ZMAT4: variants seen among roughly 807,000 people sequenced by gnomAD.
The protein encoded by ZMAT4 is zinc finger matrin-type protein 4.
A neutral mutation model predicts 28.7 loss-of-function variants in ZMAT4; 17 were observed. The ratio of observed to expected loss-of-function variants is 0.59; its 90% confidence interval spans 0.41 to 0.89. ZMAT4 has a LOEUF of 0.89. Ranked by LOEUF, ZMAT4 falls within the 40% of genes least tolerant of loss-of-function variation. The pLI is 0.00. For missense variants in ZMAT4, 240 were observed against 283.8 expected, an observed-to-expected ratio of 0.85 and a Z score of 1.11; for synonymous variants, 117 against 109.2, an observed-to-expected ratio of 1.07 and a Z score of -0.44.
intron 2 of ZMAT4, among the ~76,000 whole-genome samples, chr8:40,807,431 G>A (rs1221125346): frequency 6.6e-6 from 1 of 152,102 alleles, no homozygotes; most frequent in African/African-American, 2.4e-5. Flanking sequence ...GTGACAGAGC[G>A]AGACTCTGTC....
At chr8:40,828,742 T>G (rs1024763925) in intron 1 of ZMAT4, among the ~76,000 whole-genome samples, 1 of 152,086 alleles carries the variant, frequency 6.6e-6, no homozygotes, top group Non-Finnish European at 1.5e-5. Context: ...TGGACAAGTG[T>G]CAGCCTGTTT....
chr8:40,835,352 C>T (rs575984612), intron 1 of ZMAT4, among the ~76,000 whole-genome samples: 1 of 152,170 alleles, frequency 6.6e-6, no homozygotes, highest in Non-Finnish European at 1.5e-5. Flanking sequence ...GGGCTGTGCA[C>T]CCAGGCAGAA....
chr8:40,721,124 C>G (rs1362922595), intron 3 of ZMAT4, among the ~76,000 whole-genome samples: 1 of 116,802 alleles, frequency 8.6e-6, no homozygotes, highest in Admixed American at 9.5e-5. Flanking sequence ...GCTATCCCTC[C>G]CCCCTCCCCC....
At chr8:40,669,622 T>C (rs1474625462) in intron 5 of ZMAT4, among the ~76,000 whole-genome samples, 1 of 152,230 alleles carries the variant, frequency 6.6e-6, no homozygotes, top group Non-Finnish European at 1.5e-5. Context: ...AATAACATTT[T>C]ATTTATGTTA....
At chr8:40,556,010 C>T (rs887673126) in intron 6 of ZMAT4, among the ~76,000 whole-genome samples, 4 of 152,096 alleles carry the variant, frequency 2.6e-5, no homozygotes, top group African/African-American at 9.7e-5. Context: ...GCCAATGGTC[C>T]CCCACCTTAA....
At chr8:40,557,728 C>A (rs1293962252) in intron 6 of ZMAT4, among the ~76,000 whole-genome samples, 2 of 152,134 alleles carry the variant, frequency 1.3e-5, no homozygotes, top group South Asian at 2.1e-4. Context: ...GCAGTGCCTG[C>A]CCTCTGTGTG....
intron 5 of ZMAT4, among the ~76,000 whole-genome samples, chr8:40,665,960 G>A (rs904216994): frequency 1.3e-5 from 2 of 152,104 alleles, no homozygotes; most frequent in Admixed American, 1.3e-4. Context: ...CTTTTGTTCT[G>A]TGTCTTCAGA....
intron 5 of ZMAT4, among the ~76,000 whole-genome samples, chr8:40,650,220 G>T (rs569139707): frequency 6.6e-5 from 10 of 151,888 alleles, no homozygotes; most frequent in Non-Finnish European, 1.3e-4. Context: ...TCAAATAGAC[G>T]CAATAAAAAA....
At chr8:40,537,994 C>T (rs150342775) in intron 6 of ZMAT4, among the ~76,000 whole-genome samples, 2 of 152,134 alleles carry the variant, frequency 1.3e-5, no homozygotes, top group Non-Finnish European at 2.9e-5. Flanking sequence ...CTAAGAAACC[C>T]TCCCCATAAC....
intron 2 of ZMAT4, among the ~76,000 whole-genome samples, chr8:40,801,351 AATAT>A (rs1554559737): frequency 7.2e-5 from 7 of 97,260 alleles, no homozygotes; most frequent in South Asian, 6.8e-4. Context: ...TAAAAAAAAA[AATAT>A]ATATATATAT....
chr8:40,730,923 A>G (rs1811509269), intron 3 of ZMAT4, among the ~76,000 whole-genome samples: 1 of 152,138 alleles, frequency 6.6e-6, no homozygotes, highest in Non-Finnish European at 1.5e-5. Flanking sequence ...AATTTCAGTC[A>G]ATTTCAGCTC....
chr8:40,539,031 G>T lies in ZMAT4; in HGVS notation c.675-6793C>A, dbSNP rs144500615. 2.5e-4 allele frequency among the ~76,000 whole-genome samples: 38 copies of T among 152,156 alleles called. 1 individual carries two copies. Among genetic ancestry groups the T allele is most frequent in the African/African-American group, 8.9e-4 (37 of 41,518 alleles). On this transcript the variant is annotated intron_variant, in intron 6 of 6. Coordinates refer to ENST00000297737, the MANE Select transcript of ZMAT4 (RefSeq NM_024645.3). ...GATCTCCTGACCTCGTGATCCACCCGCCTTGGCCTCCCAAAGTGCTGGGAT... is the reference window on the plus strand; with the variant it reads ...GATCTCCTGACCTCGTGATCCACCCTCCTTGGCCTCCCAAAGTGCTGGGAT...
chr8:40,854,903 AT>A (rs1304072909), intron 1 of ZMAT4, among the ~76,000 whole-genome samples: 1 of 152,112 alleles, frequency 6.6e-6, no homozygotes, highest in South Asian at 2.1e-4. Flanking sequence ...AAAGGACTCA[AT>A]TTTTTAAAGG....
intron 5 of ZMAT4, among the ~76,000 whole-genome samples, chr8:40,619,485 C>T (rs760658789): frequency 3.9e-5 from 6 of 152,084 alleles, no homozygotes; most frequent in Non-Finnish European, 4.4e-5. Context: ...GTCTTTAAGG[C>T]GGACACTAAT....
chr8:40,602,765 G>GT (rs1314367392), intron 5 of ZMAT4, among the ~76,000 whole-genome samples: 2 of 151,718 alleles, frequency 1.3e-5, no homozygotes, highest in Non-Finnish European at 2.9e-5. Context: ...GCTTTGTTTT[G>GT]TTTTTTGCTG....
At chr8:40,549,939 C>T (rs1171822867) in intron 6 of ZMAT4, among the ~76,000 whole-genome samples, 3 of 152,152 alleles carry the variant, frequency 2.0e-5, no homozygotes, top group Non-Finnish European at 4.4e-5. Flanking sequence ...CCAAAGGGCA[C>T]CTTATAATCC....
chr8:40,539,907 T>G (rs986735737), intron 6 of ZMAT4, among the ~76,000 whole-genome samples: 2 of 152,204 alleles, frequency 1.3e-5, no homozygotes, highest in African/African-American at 4.8e-5. Flanking sequence ...AGATTCAGGA[T>G]GAAGTCTGGC....
intron 5 of ZMAT4, among the ~76,000 whole-genome samples, chr8:40,627,910 A>T (rs1405006614): frequency 6.6e-6 from 1 of 152,198 alleles, no homozygotes; most frequent in East Asian, 1.9e-4. Flanking sequence ...AGGCTTGAAG[A>T]TCATGATTTT....
In ZMAT4 at chr8:40,858,187, G is replaced by C. The variant is rs534665193; in HGVS notation, c.-4-32507C>G. Among the ~76,000 whole-genome samples, 37 of 152,280 alleles carry C rather than the reference G, an allele frequency of 2.4e-4. No individual in the cohort carries two copies. The South Asian group carries it at 7.3e-3, about 30-fold the overall frequency. On this transcript the variant is annotated intron_variant, in intron 1 of 6. Transcript: ENST00000297737. ...TTTCACACGAGAAGACATGAAAACG[G>C]GAATGTCAAAGTGACTCAAGAGCTC...
Sources: allele counts gnomAD v4.1 joint callset (sites outside exome capture counted in the v4.1 genomes callset), GRCh38; gene constraint gnomAD v4.1.1; transcripts MANE v1.5; gene names NCBI Gene and HGNC (gene_info 2026-07-23, HGNC 2026-07-21).